Variants in ADAMTSL1 observed in about 807,000 individuals in gnomAD.
The protein encoded by ADAMTSL1 is ADAMTS-like protein 1.
In ADAMTSL1, 126 loss-of-function variants were observed where a neutral mutation model predicts 201.8. That is an observed-to-expected ratio of 0.62 (90% CI 0.54 to 0.72). ADAMTSL1 has a LOEUF of 0.72. Among genes scored for constraint, ADAMTSL1 ranks in the 30% least tolerant of loss-of-function variants. The probability of loss-of-function intolerance (pLI) is 0.00; values close to 1 mark genes in which losing one functional copy is unlikely to be tolerated. For synonymous variants in ADAMTSL1, 1,121 were observed against 903.4 expected, an observed-to-expected ratio of 1.24 and a Z score of -4.32; for missense variants, 2,679 against 2,277.8, an observed-to-expected ratio of 1.18 and a Z score of -3.59.
intron 2 of ADAMTSL1, among the ~76,000 whole-genome samples, chr9:18,310,305 G>A (rs1248061127): frequency 1.7e-5 from 2 of 116,146 alleles, no homozygotes; most frequent in African/African-American, 3.1e-5. Context: ...AAACACCAAA[G>A]TAATGGCAAC....
intron 8 of ADAMTSL1, among the ~76,000 whole-genome samples, chr9:18,658,150 A>G (rs1011620901): frequency 2.0e-4 from 30 of 151,968 alleles, no homozygotes; most frequent in African/African-American, 7.2e-5. Context: ...AATTTTTTGT[A>G]TTTTTAGTAC....
chr9:18,112,667 A>G (rs1825075988), intron 1 of ADAMTSL1, among the ~76,000 whole-genome samples: 1 of 152,142 alleles, frequency 6.6e-6, no homozygotes, highest in African/African-American at 2.4e-5. Context: ...AGAAGTGTGC[A>G]TACATAGTAG....
chr9:18,282,006 T>C (rs1832809287), intron 2 of ADAMTSL1, among the ~76,000 whole-genome samples: 1 of 152,232 alleles, frequency 6.6e-6, no homozygotes, highest in African/African-American at 2.4e-5. Flanking sequence ...TACATTTTCC[T>C]CACCTGGGTA....
chr9:18,836,208 C>A (rs144624653), intron 23 of ADAMTSL1, among the ~76,000 whole-genome samples: 16 of 152,148 alleles, frequency 1.1e-4, no homozygotes, highest in African/African-American at 3.8e-4. Flanking sequence ...TTTGACCAGT[C>A]TGAAATGGTA....
At chr9:18,705,317 TAAA>T (rs1178755694) in intron 13 of ADAMTSL1, among the ~76,000 whole-genome samples, 3 of 152,136 alleles carry the variant, frequency 2.0e-5, no homozygotes, top group African/African-American at 7.2e-5. Flanking sequence ...AAATAAAAAA[TAAA>T]AAAATTATCC....
At chr9:18,103,415 A>T (rs1316807196) in intron 1 of ADAMTSL1, among the ~76,000 whole-genome samples, 1 of 152,180 alleles carries the variant, frequency 6.6e-6, no homozygotes, top group Non-Finnish European at 1.5e-5. Context: ...GGGGATTTTT[A>T]TGATGTCAAG....
chr9:18,769,051 C>T (rs924850114), intron 16 of ADAMTSL1, among the ~76,000 whole-genome samples: 5 of 152,162 alleles, frequency 3.3e-5, no homozygotes, highest in East Asian at 1.9e-4. Flanking sequence ...GCCCAGGCAT[C>T]GGTACTTTTT....
intron 2 of ADAMTSL1, among the ~76,000 whole-genome samples, chr9:18,167,688 A>G (rs1003189996): frequency 2.6e-5 from 4 of 152,002 alleles, no homozygotes; most frequent in Non-Finnish European, 4.4e-5. Flanking sequence ...AAAATGGAAT[A>G]TAACTATTTC....
intron 1 of ADAMTSL1, among the ~76,000 whole-genome samples, chr9:18,020,178 T>C (rs1759379373): frequency 6.6e-6 from 1 of 152,058 alleles, no homozygotes; most frequent in African/African-American, 2.4e-5. Context: ...GATGTATTTT[T>C]CATGTGTGAA....
chr9:18,640,337 A>G (rs1189706263), intron 7 of ADAMTSL1, among the ~76,000 whole-genome samples: 1 of 152,142 alleles, frequency 6.6e-6, no homozygotes, highest in Non-Finnish European at 1.5e-5. Flanking sequence ...GTAGGTAGTT[A>G]AATGATTTCT....
At chr9:18,710,190 C>T (rs924059554) in intron 14 of ADAMTSL1, among the ~76,000 whole-genome samples, 2 of 152,178 alleles carry the variant, frequency 1.3e-5, no homozygotes, top group African/African-American at 4.8e-5. Context: ...CCCAGGCAAC[C>T]CATTCCCACC....
intron 1 of ADAMTSL1, among the ~76,000 whole-genome samples, chr9:17,909,369 TG>T (rs1365421382): frequency 4.8e-5 from 7 of 147,004 alleles, no homozygotes; most frequent in Non-Finnish European, 9.1e-5. Flanking sequence ...CCATTGCTTT[TG>T]GTGTTTTATA....
intron 2 of ADAMTSL1, among the ~76,000 whole-genome samples, chr9:18,214,628 C>G (rs1281613201): frequency 2.0e-5 from 3 of 152,150 alleles, no homozygotes; most frequent in African/African-American, 2.4e-5. Flanking sequence ...CAGAAGCTAA[C>G]TTTGAATTTG....
chr9:18,735,932 C>T (rs1248921657), intron 15 of ADAMTSL1, among the ~76,000 whole-genome samples: 20 of 151,470 alleles, frequency 1.3e-4, no homozygotes, highest in Admixed American at 1.3e-3. Flanking sequence ...GGGCAACAGA[C>T]CCCCCACCTC....
At chr9:18,240,235 T>G (rs1409335935) in intron 2 of ADAMTSL1, among the ~76,000 whole-genome samples, 1 of 152,196 alleles carries the variant, frequency 6.6e-6, no homozygotes, top group Non-Finnish European at 1.5e-5. Context: ...ACAGAATGGA[T>G]GTTGTATTAG....
intron 15 of ADAMTSL1, among the ~76,000 whole-genome samples, chr9:18,724,354 C>G (rs1165929163): frequency 2.0e-5 from 3 of 152,218 alleles, no homozygotes; most frequent in Non-Finnish European, 4.4e-5. Flanking sequence ...GCCAGGCTTT[C>G]TAAGATTAAA....
chr9:18,373,554 T>C (rs1837147500), intron 2 of ADAMTSL1, among the ~76,000 whole-genome samples: 1 of 151,988 alleles, frequency 6.6e-6, no homozygotes, highest in South Asian at 2.1e-4. Context: ...CTGATTCTCC[T>C]CTCCCATTGT....
intron 15 of ADAMTSL1, among the ~76,000 whole-genome samples, chr9:18,731,507 T>C (rs1818213373): frequency 6.6e-6 from 1 of 152,104 alleles, no homozygotes; most frequent in Non-Finnish European, 1.5e-5. Context: ...GGCATGCACC[T>C]GTTGTCCCAG....
chr9:17,988,944 A>G (rs1325711939), intron 1 of ADAMTSL1, among the ~76,000 whole-genome samples: 1 of 151,722 alleles, frequency 6.6e-6, no homozygotes, highest in African/African-American at 2.4e-5. Context: ...TCCCTTTCCC[A>G]TGCATGACAT....
Sources: allele counts gnomAD v4.1 joint callset (sites outside exome capture counted in the v4.1 genomes callset), GRCh38; gene constraint gnomAD v4.1.1; transcripts MANE v1.5; gene names NCBI Gene and HGNC (gene_info 2026-07-23, HGNC 2026-07-21).